Variants in CORO7 observed in about 807,000 individuals in gnomAD.
CORO7 encodes the protein coronin 7.
CORO7 carries 107 observed loss-of-function variants against 126.6 expected under a neutral mutation model. The observed-to-expected ratio is 0.85, with a 90% CI of 0.72 to 0.99. The LOEUF (loss-of-function observed/expected upper bound fraction) is 0.99, where lower values mean the gene tolerates loss of function less well. Among genes scored for constraint, CORO7 ranks in the 50% least tolerant of loss-of-function variants. CORO7 has a pLI of 0.00. For synonymous variants in CORO7, 603 were observed against 536.8 expected (o/e 1.12, Z -1.70); for missense variants, 1,314 against 1,255.8 (o/e 1.05, Z -0.70).
At chr16:4,413,572 C>CT in intron 1 of CORO7, 168 bp from the exon 2 acceptor site, 1 of 602,298 alleles carries the variant, frequency 1.7e-6, no homozygotes, top group Non-Finnish European at 2.8e-6. Context: ...GGGTCTCACT[C>CT]TGTCACCCAG....
chr16:4,408,181 C>A lies in CORO7; in HGVS notation c.303G>T (p.Thr101=), dbSNP rs759168875. 1.5e-5 allele frequency: 24 copies of A among 1,614,000 alleles called. No individual in the cohort carries two copies. The African/African-American group carries it at 2.9e-4, about 20-fold the overall frequency. Residue 101 remains threonine (T), a splice_region_variant and synonymous_variant, in exon 4 of 28, where the codon ACG becomes ACT. Transcript: ENST00000251166. ...AGCTCTTCCAACTGGCTCCACTCAC[C>A]GTCCTGTCAGCCGAGCCTGTGGCCA... ...FLLATGSADR[T]VKLWRLPGPG...
At chr16:4,379,320 T>G (rs373213384) in intron 9 of CORO7, among the ~76,000 whole-genome samples, 53 of 152,002 alleles carry the variant, frequency 3.5e-4, no homozygotes, top group East Asian at 2.9e-3. Flanking sequence ...GGTGCCAAAG[T>G]GGGGAGGGCT....
intron 2 of CORO7, 197 bp from the exon 3 acceptor site, chr16:4,412,627 TCAGATGGATA>T (rs1221107887): frequency 1.3e-5 from 8 of 594,110 alleles, no homozygotes; most frequent in Non-Finnish European, 2.1e-5. Flanking sequence ...CATCCATGCC[TCAGATGGATA>T]CAGAAGACAT....
intron 6 of CORO7, among the ~76,000 whole-genome samples, chr16:4,403,276 C>A (rs2055879885): frequency 6.6e-6 from 1 of 152,192 alleles, no homozygotes; most frequent in Non-Finnish European, 1.5e-5. Flanking sequence ...CCCCCCACTC[C>A]CGGCTCCATA....
At chr16:4,415,947 G>C in intron 1 of CORO7, 6 of 958,016 alleles carry the variant, frequency 6.3e-6, no homozygotes, top group Non-Finnish European at 7.5e-6. Flanking sequence ...GGAAACCCGA[G>C]GGAGGGGCGC....
intron 6 of CORO7, among the ~76,000 whole-genome samples, chr16:4,395,652 AACTACCCT>A (rs1030306914): frequency 6.6e-6 from 1 of 152,162 alleles, no homozygotes; most frequent in Non-Finnish European, 1.5e-5. Flanking sequence ...CTACTCTTCC[AACTACCCT>A]ATGAAGTGGT....
chr16:4,396,496 G>T (rs1217632161), intron 6 of CORO7, among the ~76,000 whole-genome samples: 1 of 152,162 alleles, frequency 6.6e-6, no homozygotes, highest in African/African-American at 2.4e-5. Flanking sequence ...TGTTTTTATT[G>T]ATACCCAACT....
intron 9 of CORO7, chr16:4,382,368 C>T (rs980499729): frequency 6.2e-7 from 1 of 1,612,144 alleles, no homozygotes; most frequent in Non-Finnish European, 8.5e-7. Flanking sequence ...TCCGTCTCAC[C>T]TATCGCAACC....
chr16:4,394,808 C>T (rs1596322651), intron 7 of CORO7, among the ~76,000 whole-genome samples: 1 of 152,232 alleles, frequency 6.6e-6, no homozygotes, highest in African/African-American at 2.4e-5. Flanking sequence ...TCCCAGCTTC[C>T]CCGCTTGGAA....
At position 4,362,848 on chromosome 16, in the gene CORO7, AG is replaced by A. The variant is rs2054226861; in HGVS notation, c.1276-111del. On this transcript the variant is annotated intron_variant, in intron 14 of 27. Coordinates refer to ENST00000251166, the MANE Select transcript of CORO7 (RefSeq NM_024535.5). The surrounding 1 kb of genome is among the most constrained non-coding windows in gnomAD (Gnocchi z 5.3). ...CTCTGGGCCCCCTGCGGACTGGAGG[AG>A]CCCCCACTGTGGGCATGCGACAGGA... is the stretch of plus-strand genomic sequence containing the variant. The A allele has an allele frequency of 8.1e-7, 1 of 1,228,912 alleles. No individual in the cohort carries two copies. The highest frequency in any genetic ancestry group is 4.1e-5 in the Admixed American group (1 of 24,320). The allele number at this position is 1,228,912 out of a possible 1,614,324, so 76.1% of individuals were successfully genotyped here.
At chr16:4,415,717 A>G in intron 1 of CORO7, 1 of 985,482 alleles carries the variant, frequency 1.0e-6, no homozygotes, top group Non-Finnish European at 1.2e-6. Context: ...GGCCTTACAA[A>G]TAACACGGAA....
At chr16:4,387,136 C>G (rs548133809) in intron 9 of CORO7, among the ~76,000 whole-genome samples, 1 of 152,300 alleles carries the variant, frequency 6.6e-6, no homozygotes, top group Admixed American at 6.5e-5. Context: ...GATGGAGTCC[C>G]TGTCTCTCCA....
intron 8 of CORO7, 116 bp from the exon 9 acceptor site, chr16:4,388,184 G>A: frequency 1.5e-6 from 2 of 1,360,514 alleles, no homozygotes; most frequent in Non-Finnish European, 2.0e-6. Flanking sequence ...CTGCCCCAGA[G>A]CAGGGCTTGG....
At chr16:4,395,735 C>G (rs866206262) in intron 6 of CORO7, among the ~76,000 whole-genome samples, 4 of 152,172 alleles carry the variant, frequency 2.6e-5, no homozygotes, top group Non-Finnish European at 5.9e-5. Context: ...AGGCTGTCAG[C>G]GCCCCACACA....
At chr16:4,358,925 T>G in intron 23 of CORO7, 1 of 309,756 alleles carries the variant, frequency 3.2e-6, no homozygotes. Context: ...TCATATAGTT[T>G]AACCTTATCT....
intron 5 of CORO7, among the ~76,000 whole-genome samples, chr16:4,405,979 G>A (rs1420794007): frequency 6.6e-6 from 1 of 152,160 alleles, no homozygotes; most frequent in Non-Finnish European, 1.5e-5. Context: ...GTTAAATTGT[G>A]CTCCCCTAAA....
chr16:4,387,884 C>G, intron 9 of CORO7, 102 bp downstream of exon 9: 1 of 1,461,722 alleles, frequency 6.8e-7, no homozygotes. Flanking sequence ...CCAGAACACC[C>G]CGGAGATCAG....
At chr16:4,399,559 C>G (rs868444426) in intron 6 of CORO7, among the ~76,000 whole-genome samples, 1 of 152,106 alleles carries the variant, frequency 6.6e-6, no homozygotes, top group Non-Finnish European at 1.5e-5. Context: ...TGAGAAAATT[C>G]TCAAATCTGT....
At chr16:4,357,147 G>A (rs1397812933) in intron 26 of CORO7, 21 bp downstream of exon 26, 7 of 1,613,390 alleles carry the variant, frequency 4.3e-6, no homozygotes, top group Non-Finnish European at 5.9e-6. Context: ...CCTCCGCACA[G>A]CTGCTCTCTC....
Sources: allele counts gnomAD v4.1 joint callset (sites outside exome capture counted in the v4.1 genomes callset), GRCh38; gene constraint gnomAD v4.1.1; non-coding constraint Gnocchi (gnomAD v3.1); transcripts MANE v1.5; gene names NCBI Gene and HGNC (gene_info 2026-07-23, HGNC 2026-07-21).